WDR86: variants seen among roughly 807,000 people sequenced by gnomAD.
WDR86 encodes WD repeat-containing protein 86.
In WDR86, 30 loss-of-function variants were observed where a neutral mutation model predicts 36.5. The observed-to-expected ratio is 0.82, with a 90% CI of 0.61 to 1.11. WDR86 has a LOEUF of 1.11. Ranked by LOEUF, WDR86 falls within the 50% of genes most tolerant of loss-of-function variation. WDR86 has a pLI of 0.00. For missense variants in WDR86, 545 were observed against 561.2 expected, an observed-to-expected ratio of 0.97 and a Z score of 0.29; for synonymous variants, 255 against 252.9, an observed-to-expected ratio of 1.01 and a Z score of -0.08.
At position 151,407,641 on chromosome 7, in the gene WDR86, C is replaced by T. The variant is rs570523984; in HGVS notation, c.163+1786G>A. The stretch of plus-strand genomic sequence containing the variant: ...ATCACCTGAGGTCGGGAGTTCAAGA[C>T]CAGCCTGGCCAACATGATGAAGCCC... On this transcript the variant is annotated intron_variant, in intron 1 of 5. Transcript: ENST00000334493. Among the ~76,000 whole-genome samples the T allele has an allele frequency of 5.9e-5, 9 of 152,230 alleles. No individual in the cohort carries two copies. In the South Asian group the frequency reaches 1.9e-3, roughly 32 times the overall value.
downstream of WDR86, among the ~76,000 whole-genome samples, chr7:151,372,770 C>G (rs541462596): frequency 6.6e-6 from 1 of 152,042 alleles, no homozygotes; most frequent in African/African-American, 2.4e-5. Flanking sequence ...AATGACGGAG[C>G]CTGCTGCCCT....
chr7:151,396,323 C>G (rs757873292), intron 2 of WDR86, 127 bp from the exon 3 acceptor site: 2 of 1,102,300 alleles, frequency 1.8e-6, no homozygotes, highest in Non-Finnish European at 2.6e-6. Flanking sequence ...CAGCTTGCCA[C>G]ACTCGTCTTC....
At chr7:151,394,154 C>T (rs529626166) in intron 3 of WDR86, among the ~76,000 whole-genome samples, 18 of 152,304 alleles carry the variant, frequency 1.2e-4, no homozygotes, top group African/African-American at 2.4e-4. Flanking sequence ...CCCCTCATCT[C>T]GCTGCATTTG....
At chr7:151,385,845 C>T (rs10952309) in intron 3 of WDR86, among the ~76,000 whole-genome samples, 67,785 of 152,026 alleles carry the variant, frequency 0.45, 17,343 homozygotes, top group East Asian at 0.64. Flanking sequence ...AAGAGGCCCT[C>T]GCCAAGATGG....
At position 151,401,099 on chromosome 7, in the gene WDR86, T is replaced by TA. The variant is rs563643775; in HGVS notation, c.164-859dup. 6.6e-6 allele frequency among the ~76,000 whole-genome samples: 1 copy of TA among 152,154 alleles called. No individual in the cohort carries two copies. Among genetic ancestry groups the TA allele is most frequent in the Non-Finnish European group, 1.5e-5 (1 of 68,026 alleles). ...GCCCACCTGCTCATGAATAATCAGG[T>TA]AAGACTCCTAAAAAGGGATCCTCCC... On this transcript the variant is annotated intron_variant, in intron 1 of 5. Transcript: ENST00000334493. The surrounding 1 kb of genome is among the most constrained non-coding windows in gnomAD (Gnocchi z 4.3).
chr7:151,402,892 T>C (rs1262481303), intron 1 of WDR86, among the ~76,000 whole-genome samples: 1 of 152,218 alleles, frequency 6.6e-6, no homozygotes, highest in Non-Finnish European at 1.5e-5. Flanking sequence ...TAGTAGGGCC[T>C]GCCCTTCAGG....
intron 3 of WDR86, among the ~76,000 whole-genome samples, chr7:151,395,442 C>A (rs1799739890): frequency 1.3e-5 from 2 of 151,538 alleles, no homozygotes. Context: ...AAAATGAGTT[C>A]ATAGGGGGGC....
chr7:151,407,986 C>G (rs964120260), intron 1 of WDR86, among the ~76,000 whole-genome samples: 22 of 152,040 alleles, frequency 1.4e-4, no homozygotes, highest in Non-Finnish European at 1.5e-4. Context: ...GGGAGCAATA[C>G]CAACTGGACT....
intron 1 of WDR86, 22 bp from the exon 2 acceptor site, chr7:151,400,263 G>C: frequency 6.4e-7 from 1 of 1,569,228 alleles, no homozygotes; most frequent in Non-Finnish European, 8.7e-7. Context: ...GGACAGGGGA[G>C]ATGTGAGCGT....
intron 3 of WDR86, among the ~76,000 whole-genome samples, chr7:151,392,431 A>G (rs185926026): frequency 4.6e-5 from 7 of 152,252 alleles, no homozygotes; most frequent in African/African-American, 1.7e-4. Flanking sequence ...ACAGGGGTAA[A>G]ATGGACCCTG....
At chr7:151,385,014 C>A in intron 4 of WDR86, 74 bp downstream of exon 4, 1 of 1,472,918 alleles carries the variant, frequency 6.8e-7, no homozygotes, top group Non-Finnish European at 9.1e-7. Context: ...AGGGAAAATC[C>A]CATAGGAAGT....
At chr7:151,380,129 C>T (rs1053683696), downstream of WDR86, among the ~76,000 whole-genome samples, 1 of 152,180 alleles carries the variant, frequency 6.6e-6, no homozygotes, top group African/African-American at 2.4e-5. Flanking sequence ...TGCGGGTTCT[C>T]CTGCACCGAT....
chr7:151,393,252 G>A (rs1026990950), intron 3 of WDR86, among the ~76,000 whole-genome samples: 1 of 152,196 alleles, frequency 6.6e-6, no homozygotes, highest in Non-Finnish European at 1.5e-5. Flanking sequence ...GTTCACACGC[G>A]CGTATCATGC....
rs73474445 is a variant in WDR86, at chr7:151,385,812, G to C, written c.727-589C>G. The stretch of plus-strand genomic sequence containing the variant: ...GATGCTGCTGTCTCGCAGGAGGTAC[G>C]GAGAGGGCCCAGGAGACAAGGGAAG... On this transcript the variant is annotated intron_variant, in intron 3 of 5. Transcript: ENST00000334493. Among the ~76,000 whole-genome samples the C allele has an allele frequency of 3.7e-3, 562 of 152,268 alleles. 5 individuals are homozygous for C. Among genetic ancestry groups the C allele is most frequent in the African/African-American group, 0.013 (523 of 41,538 alleles).
downstream of WDR86, among the ~76,000 whole-genome samples, chr7:151,375,077 G>A (rs1244319081): frequency 1.3e-5 from 2 of 151,974 alleles, no homozygotes; most frequent in African/African-American, 2.4e-5. Context: ...AGGTGTCCTC[G>A]TTTGCCCTGC....
chr7:151,376,006 C>T lies in WDR86; in HGVS notation n.1284G>A, dbSNP rs1263826978. On this transcript the variant is annotated non_coding_transcript_exon_variant, in exon 2 of 2. Coordinates refer to the WDR86 transcript ENST00000463000. The stretch of plus-strand genomic sequence containing the variant: ...CTCGGGTGGGGTTGCTTGGGGTAAC[C>T]CGGGTGAATCAGGCAGCAGGACTGG... 3 of 1,038,130 alleles carry T rather than the reference C, an allele frequency of 2.9e-6. No individual in the cohort carries two copies. The Admixed American group carries it at 5.1e-5, about 18-fold the overall frequency. 64.3% of individuals were successfully genotyped at this position (1,038,130 alleles called of 1,614,324 possible).
At chr7:151,396,456 G>A (rs973193463) in intron 2 of WDR86, among the ~76,000 whole-genome samples, 2 of 152,222 alleles carry the variant, frequency 1.3e-5, no homozygotes, top group Non-Finnish European at 2.9e-5. Flanking sequence ...TGCTCCGCTG[G>A]GATCCCTCCA....
intron 4 of WDR86, among the ~76,000 whole-genome samples, chr7:151,384,274 T>C (rs949516657): frequency 2.0e-5 from 3 of 152,214 alleles, no homozygotes; most frequent in African/African-American, 7.2e-5. Flanking sequence ...CTGCCCTTCT[T>C]TCTTTCCAAA....
At chr7:151,380,133 C>A (rs893652187), downstream of WDR86, among the ~76,000 whole-genome samples, 29 of 152,200 alleles carry the variant, frequency 1.9e-4, no homozygotes, top group Admixed American at 1.1e-3. Context: ...GGTTCTCCTG[C>A]ACCGATCTGC....
Sources: gnomAD v4.1 joint callset for allele counts (sites outside exome capture counted in the v4.1 genomes callset) on GRCh38, gnomAD v4.1.1 for gene constraint, Gnocchi (gnomAD v3.1) non-coding constraint, MANE v1.5 for transcripts, NCBI Gene and HGNC (gene_info 2026-07-23, HGNC 2026-07-21) for gene names.